GALNT13: variants seen among roughly 807,000 people sequenced by gnomAD.
GALNT13 encodes the protein polypeptide N-acetylgalactosaminyltransferase 13.
In GALNT13, 28 loss-of-function variants were observed where a neutral mutation model predicts 64.2. That is an observed-to-expected ratio of 0.44 (90% CI 0.32 to 0.60). GALNT13 has a LOEUF of 0.60. GALNT13 is among the 20% of genes least tolerant of loss of function. The pLI, the probability that GALNT13 is intolerant of heterozygous loss-of-function variation, is 0.05. For synonymous variants in GALNT13, 214 were observed against 224.6 expected, an observed-to-expected ratio of 0.95 and a Z score of 0.42; for missense variants, 577 against 669.8, an observed-to-expected ratio of 0.86 and a Z score of 1.53.
the GALNT13 span, among the ~76,000 whole-genome samples, chr2:153,773,214 G>T: frequency 1.3e-5 from 2 of 152,174 alleles, no homozygotes; most frequent in Non-Finnish European, 2.9e-5. Context: ...TCACTGCTTG[G>T]GATGGATGGG....
chr2:153,708,989 AC>A, the GALNT13 span, among the ~76,000 whole-genome samples: 1 of 152,036 alleles, frequency 6.6e-6, no homozygotes, highest in East Asian at 1.9e-4. Context: ...TCAACCCAAA[AC>A]GGATTAAAGA....
At chr2:154,387,813 T>C (rs1698588589) in intron 9 of GALNT13, among the ~76,000 whole-genome samples, 1 of 152,180 alleles carries the variant, frequency 6.6e-6, no homozygotes. Context: ...TCTCTTTATC[T>C]GTTCATCTGT....
At chr2:153,843,807 A>C in the GALNT13 span, among the ~76,000 whole-genome samples, 1 of 152,176 alleles carries the variant, frequency 6.6e-6, no homozygotes, top group Non-Finnish European at 1.5e-5. Context: ...TACAGGCCCC[A>C]TGCAAGTTTT....
At chr2:153,672,293 T>C in the GALNT13 span, among the ~76,000 whole-genome samples, 2 of 152,270 alleles carry the variant, frequency 1.3e-5, no homozygotes, top group South Asian at 4.1e-4. Context: ...ATTGACCACA[T>C]AATTGGAAGT....
chr2:154,339,044 T>C (rs143866763), intron 9 of GALNT13, among the ~76,000 whole-genome samples: 4 of 152,280 alleles, frequency 2.6e-5, no homozygotes, highest in Non-Finnish European at 4.4e-5. Flanking sequence ...AATACGGTTG[T>C]AAAAATTCTT....
the GALNT13 span, among the ~76,000 whole-genome samples, chr2:153,320,538 A>T: frequency 6.6e-6 from 1 of 152,184 alleles, no homozygotes; most frequent in Non-Finnish European, 1.5e-5. Flanking sequence ...AAGAAACATT[A>T]CTTCTTTGGC....
At chr2:153,660,886 T>C in the GALNT13 span, among the ~76,000 whole-genome samples, 1 of 152,124 alleles carries the variant, frequency 6.6e-6, no homozygotes, top group East Asian at 1.9e-4. Context: ...GCAAGTCACA[T>C]GACCAAGCAT....
chr2:153,345,719 GTCCTTCCTTCCTTCCT>G, the GALNT13 span, among the ~76,000 whole-genome samples: 32 of 80,022 alleles, frequency 4.0e-4, 2 homozygotes, highest in African/African-American at 1.0e-3. Flanking sequence ...CTCTCTTTCT[GTCCTTCCTTCCTTCCT>G]TCCTTCCTTC....
the GALNT13 span, among the ~76,000 whole-genome samples, chr2:153,177,613 TATA>T: frequency 6.6e-6 from 1 of 152,100 alleles, no homozygotes; most frequent in South Asian, 2.1e-4. Context: ...ATTGACAAAT[TATA>T]ATTGTATATG....
At chr2:153,969,978 A>G (rs10196189) in intron 3 of GALNT13, among the ~76,000 whole-genome samples, 28,960 of 152,166 alleles carry the variant, frequency 0.19, 3,420 homozygotes, top group African/African-American at 0.32. Context: ...TTGAAGGTTT[A>G]TGTGCATTAT....
Position 154,350,412 on chromosome 2 carries a change from T to C in GALNT13, c.1157-45579T>C, listed in dbSNP as rs144869064. On this transcript the variant is annotated intron_variant, in intron 9 of 12. Coordinates refer to ENST00000392825, the MANE Select transcript of GALNT13 (RefSeq NM_052917.4). ...ATGCTGGATGCTTCCTGCCCTCCAA[T>C]GTTGGACTCCAAGTTCTTCAGCTTT... 7.8e-3 allele frequency among the ~76,000 whole-genome samples: 1,184 copies of C among 152,326 alleles called. 13 individuals are homozygous for C. Among genetic ancestry groups the C allele is most frequent in the African/African-American group, 0.027 (1,125 of 41,568 alleles).
At chr2:153,745,880 G>T in the GALNT13 span, among the ~76,000 whole-genome samples, 1 of 152,046 alleles carries the variant, frequency 6.6e-6, no homozygotes, top group African/African-American at 2.4e-5. Flanking sequence ...GAGCCTCCAT[G>T]CTTTGCCTGA....
the GALNT13 span, among the ~76,000 whole-genome samples, chr2:153,570,129 A>G: frequency 6.6e-6 from 1 of 152,098 alleles, no homozygotes; most frequent in Non-Finnish European, 1.5e-5. Flanking sequence ...CTTTTGGATA[A>G]AAGGCATTTT....
At chr2:153,666,747 T>G in the GALNT13 span, among the ~76,000 whole-genome samples, 1 of 152,136 alleles carries the variant, frequency 6.6e-6, no homozygotes, top group East Asian at 1.9e-4. Context: ...TCTGGCAAGT[T>G]AAAAGCCAGA....
At chr2:153,422,177 G>T in the GALNT13 span, among the ~76,000 whole-genome samples, 3 of 152,198 alleles carry the variant, frequency 2.0e-5, no homozygotes, top group Non-Finnish European at 4.4e-5. Flanking sequence ...ATCAAAATGT[G>T]TGGGATTTGG....
At chr2:153,393,972 ACACACACACACACACACACC>A in the GALNT13 span, among the ~76,000 whole-genome samples, 2,267 of 105,062 alleles carry the variant, frequency 0.022, 73 homozygotes, top group African/African-American at 0.083. Flanking sequence ...ACACACACAC[ACACACACACACACACACACC>A]CCCTATTGGT....
chr2:153,589,062 G>T, the GALNT13 span, among the ~76,000 whole-genome samples: 1 of 152,108 alleles, frequency 6.6e-6, no homozygotes, highest in East Asian at 1.9e-4. Context: ...TGAGGCAGGA[G>T]AATCGATTGA....
the GALNT13 span, among the ~76,000 whole-genome samples, chr2:153,402,676 T>C: frequency 6.6e-6 from 1 of 152,204 alleles, no homozygotes; most frequent in Non-Finnish European, 1.5e-5. Flanking sequence ...ATTTCATTCA[T>C]TTCATCTTCC....
intron 4 of GALNT13, among the ~76,000 whole-genome samples, chr2:154,175,218 T>C (rs561488708): frequency 6.6e-6 from 1 of 152,316 alleles, no homozygotes; most frequent in African/African-American, 2.4e-5. Context: ...TCTAGCATTC[T>C]CTTTTCATTT....
Sources: gnomAD v4.1 joint callset for allele counts (sites outside exome capture counted in the v4.1 genomes callset) on GRCh38, gnomAD v4.1.1 for gene constraint, MANE v1.5 for transcripts, NCBI Gene and HGNC (gene_info 2026-07-23, HGNC 2026-07-21) for gene names.